The following EVC variants were observed in gnomAD, a reference collection of about 807,000 sequenced individuals.
EVC encodes EvC ciliary complex subunit 1.
Under a neutral mutation model 118.9 loss-of-function variants are expected in EVC, and 116 were observed. The ratio of observed to expected loss-of-function variants is 0.98; its 90% CI spans 0.84 to 1.14. The LOEUF (loss-of-function observed/expected upper bound fraction) is 1.14, where lower values mean the gene tolerates loss of function less well. EVC is among the 50% of genes most tolerant of loss of function. The pLI is 0.00. For missense variants in EVC, 1,401 were observed against 1,246.4 expected, an observed-to-expected ratio of 1.12 and a Z score of -1.87; for synonymous variants, 619 against 534.7, an observed-to-expected ratio of 1.16 and a Z score of -2.18.
At chr4:5,758,522 G>A (rs1477404426) in intron 11 of EVC, among the ~76,000 whole-genome samples, 4 of 152,194 alleles carry the variant, frequency 2.6e-5, no homozygotes, top group Non-Finnish European at 4.4e-5. Flanking sequence ...GGCTCAATTT[G>A]TCAAAGCCCT....
At chr4:5,775,050 T>G (rs183974560) in intron 11 of EVC, among the ~76,000 whole-genome samples, 120 of 152,224 alleles carry the variant, frequency 7.9e-4, no homozygotes, top group African/African-American at 2.7e-3. Flanking sequence ...CCTTCTCTAA[T>G]TTACAAATCC....
rs1178129562 is a variant in EVC, at chr4:5,719,342, T to A, written c.269T>A (p.Val90Glu). The part of the protein sequence containing the change: ...GSPSRRRKRE[V>E]QMSKDKEAVD... ...CCATCAAGGAGGAGGAAGAGAGAAG[T>A]GCAGATGTCGAAGGACAAGGAAGCT... The change falls in exon 2 of 21, where the codon GTG becomes GAG. Residue 90 changes from valine to glutamate, a missense_variant. Physicochemically the swap from Val to Glu is moderately radical, Grantham distance 121. Coordinates refer to ENST00000264956, the MANE Select transcript of EVC (RefSeq NM_153717.3). The surrounding 1 kb of genome is among the most constrained non-coding windows in gnomAD (Gnocchi z 4.7). 9.3e-6 allele frequency: 15 copies of A among 1,613,988 alleles called. No individual in the cohort carries two copies. The highest frequency in any genetic ancestry group is 1.3e-5 in the Non-Finnish European group (15 of 1,180,016).
chr4:5,828,312 A>G, the EVC span: 2 of 983,298 alleles, frequency 2.0e-6, no homozygotes, highest in Non-Finnish European at 2.4e-6. Context: ...TTTGATGCTC[A>G]CTCCTGTCCT....
chr4:5,731,607 C>G lies in EVC; in HGVS notation c.567C>G (p.Ser189Arg). 1 of 1,614,158 alleles carries G rather than the reference C, an allele frequency of 6.2e-7. No homozygotes were observed. Among genetic ancestry groups the G allele is most frequent in the Non-Finnish European group, 8.5e-7 (1 of 1,180,034 alleles). ...HSATSDDRFL[S>R]RTFLRVNAFP... Reference sequence around the variant, plus strand: ...CCACCAGCGATGACAGGTTTCTCAGCCGCACCTTCCTCCGGGTGAACGCCT... The same window carrying G: ...CCACCAGCGATGACAGGTTTCTCAGGCGCACCTTCCTCCGGGTGAACGCCT... Residue 189 changes from serine to arginine, a missense_variant, in exon 4 of 21, where the codon AGC becomes AGG. By Grantham distance (110) the Ser-to-Arg change is moderately radical. Transcript: ENST00000264956. This position sits in a 1 kb window ranked among gnomAD's most constrained non-coding sequence, Gnocchi z 5.6.
the EVC span, among the ~76,000 whole-genome samples, chr4:5,822,520 C>T: frequency 6.6e-6 from 1 of 151,264 alleles, no homozygotes; most frequent in Non-Finnish European, 1.5e-5. Context: ...TGCAGAGGTT[C>T]TTAATTTTAA....
chr4:5,820,114 T>C, the EVC span, among the ~76,000 whole-genome samples: 1 of 152,186 alleles, frequency 6.6e-6, no homozygotes, highest in Non-Finnish European at 1.5e-5. Context: ...AACAAGTTAT[T>C]GATCTCACTC....
At chr4:5,822,969 ACCTAC>A in the EVC span, among the ~76,000 whole-genome samples, 1 of 152,156 alleles carries the variant, frequency 6.6e-6, no homozygotes, top group Non-Finnish European at 1.5e-5. Context: ...TTTCTTGCTG[ACCTAC>A]CCACTGTACC....
intron 1 of EVC, among the ~76,000 whole-genome samples, chr4:5,715,072 C>T (rs1723727807): frequency 6.6e-6 from 1 of 152,100 alleles, no homozygotes; most frequent in South Asian, 2.1e-4. Context: ...CTTTCACCTC[C>T]CAAAGTGCCA....
downstream of EVC, among the ~76,000 whole-genome samples, chr4:5,815,654 G>C (rs752719242): frequency 1.3e-5 from 2 of 152,196 alleles, no homozygotes; most frequent in Non-Finnish European, 2.9e-5. Context: ...CTGTCCCCCA[G>C]AGAGTGGAAG....
chr4:5,715,116 G>A (rs974547704), intron 1 of EVC, among the ~76,000 whole-genome samples: 7 of 151,894 alleles, frequency 4.6e-5, no homozygotes, highest in Admixed American at 1.3e-4. Flanking sequence ...ATCTGGCCTT[G>A]GTTTTTTCAT....
intron 16 of EVC, among the ~76,000 whole-genome samples, chr4:5,802,836 T>G (rs978939733): frequency 2.6e-5 from 4 of 152,148 alleles, no homozygotes; most frequent in African/African-American, 9.7e-5. Context: ...CGTCTTGCTG[T>G]GTGGCTGGGT....
At chr4:5,736,125 A>G (rs1041124458) in intron 5 of EVC, among the ~76,000 whole-genome samples, 1 of 152,160 alleles carries the variant, frequency 6.6e-6, no homozygotes, top group African/African-American at 2.4e-5. Context: ...TAACCTCTAT[A>G]AACAGAGTGG....
rs892248989 is a variant in EVC at position 5,755,837 on chromosome 4, C to T, written c.1465-427C>T. On this transcript the variant is annotated intron_variant, in intron 10 of 20. Coordinates refer to ENST00000264956, the MANE Select transcript of EVC (RefSeq NM_153717.3). This position sits in a 1 kb window ranked among gnomAD's most constrained non-coding sequence, Gnocchi z 4.1. ...TCTGCTGGGGTCCTCAGGGAAGGGC[C>T]TCCACCCCGTGGTCACAGTGGGGCC... is the stretch of plus-strand genomic sequence containing the variant. 6.6e-6 allele frequency among the ~76,000 whole-genome samples: 1 copy of T among 152,184 alleles called. No individual in the cohort carries two copies. Among genetic ancestry groups the T allele is most frequent in the African/African-American group, 2.4e-5 (1 of 41,454 alleles).
At position 5,754,699 on chromosome 4, in the gene EVC, T is replaced by G. The variant is rs1007881783; in HGVS notation, c.1464+766T>G. 1.3e-5 allele frequency among the ~76,000 whole-genome samples: 2 copies of G among 152,154 alleles called. No homozygotes were observed. The highest frequency in any genetic ancestry group is 4.8e-5 in the African/African-American group (2 of 41,434). On this transcript the variant is annotated intron_variant, in intron 10 of 20. Transcript: ENST00000264956. The surrounding 1 kb of genome is among the most constrained non-coding windows in gnomAD (Gnocchi z 5.8). Reference sequence around the variant, plus strand: ...CACACTTGGGTTTGGGTGCTGACTCTGCCACTAAATAGCTGGGTGACCTTG... The same window carrying G: ...CACACTTGGGTTTGGGTGCTGACTCGGCCACTAAATAGCTGGGTGACCTTG...
chr4:5,799,736 C>T (rs1443669364), intron 15 of EVC, among the ~76,000 whole-genome samples: 2 of 152,220 alleles, frequency 1.3e-5, no homozygotes, highest in African/African-American at 4.8e-5. Context: ...TTCCTTTCAT[C>T]TCAGTAAAAC....
downstream of EVC, among the ~76,000 whole-genome samples, chr4:5,815,044 A>T (rs543719363): frequency 9.2e-5 from 14 of 152,250 alleles, no homozygotes; most frequent in African/African-American, 3.4e-4. Context: ...ACTGGCCCTT[A>T]CCCAGATCCT....
chr4:5,732,019 T>C (rs1726904545), intron 4 of EVC, among the ~76,000 whole-genome samples: 1 of 152,140 alleles, frequency 6.6e-6, no homozygotes, highest in Non-Finnish European at 1.5e-5. Context: ...TTTTGCCCAG[T>C]GAGGGGGATC....
In EVC at chr4:5,798,330, G is replaced by A. The variant is rs904476443; in HGVS notation, c.2098-256G>A. On this transcript the variant is annotated intron_variant, in intron 14 of 20. Transcript: ENST00000264956. The surrounding 1 kb of genome is among the most constrained non-coding windows in gnomAD (Gnocchi z 4.1). ...AAGGATGAGCAAGGCCCCCCATCTT[G>A]TGAGGGGCCATAGATGGTACTGGGC... Among the ~76,000 whole-genome samples, 2 of 152,196 alleles carry A rather than the reference G, an allele frequency of 1.3e-5. No individual in the cohort carries two copies. Among genetic ancestry groups the A allele is most frequent in the African/African-American group, 4.8e-5 (2 of 41,456 alleles).
At chr4:5,824,621 A>G in the EVC span, 23 of 950,478 alleles carry the variant, frequency 2.4e-5, no homozygotes, top group Non-Finnish European at 2.9e-5. Flanking sequence ...TGACCTGAGA[A>G]TAGTTTGTAC....
Sources: gnomAD v4.1 joint callset for allele counts (sites outside exome capture counted in the v4.1 genomes callset) on GRCh38, gnomAD v4.1.1 for gene constraint, Gnocchi (gnomAD v3.1) non-coding constraint, MANE v1.5 for transcripts, NCBI Gene and HGNC (gene_info 2026-07-23, HGNC 2026-07-21) for gene names.